The following ABCA13 variants were observed in gnomAD, a reference collection of about 807,000 sequenced individuals.
The protein encoded by ABCA13 is ATP-binding cassette sub-family A member 13.
ABCA13 carries 476 observed loss-of-function variants against 478.7 expected under a neutral mutation model. The observed-to-expected ratio is 0.99, with a 90% CI of 0.92 to 1.07. ABCA13 has a LOEUF of 1.07. Ranked by LOEUF, ABCA13 falls within the 50% of genes least tolerant of loss-of-function variation. ABCA13 has a pLI of 0.00. For missense variants in ABCA13, 6,060 were observed against 5,910.6 expected, an observed-to-expected ratio of 1.03 and a Z score of -0.83; for synonymous variants, 2,252 against 2,158.9, an observed-to-expected ratio of 1.04 and a Z score of -1.20.
At chr7:48,506,930 C>A (rs574352281) in intron 49 of ABCA13, among the ~76,000 whole-genome samples, 1 of 152,000 alleles carries the variant, frequency 6.6e-6, no homozygotes, top group Non-Finnish European at 1.5e-5. Context: ...ATTATATGGT[C>A]GACAAACTTT....
chr7:48,295,946 C>A, intron 21 of ABCA13, 83 bp downstream of exon 21: 1 of 1,470,438 alleles, frequency 6.8e-7, no homozygotes, highest in Non-Finnish European at 9.0e-7. Flanking sequence ...ATGTGAATTT[C>A]AGACAGTGGT....
In ABCA13 at chr7:48,451,498, T is replaced by A. The variant is rs530753520; in HGVS notation, c.12566-3539T>A. On this transcript the variant is annotated intron_variant, in intron 42 of 61. Transcript: ENST00000435803. ...CCCTCAATAATATTAGATGTTAACATTATCTTTAATCTTTACTATATTGAT... is the reference window on the plus strand; with the variant it reads ...CCCTCAATAATATTAGATGTTAACAATATCTTTAATCTTTACTATATTGAT... Among the ~76,000 whole-genome samples the A allele has an allele frequency of 1.3e-4, 20 of 152,322 alleles. No individual in the cohort carries two copies. In the South Asian group the frequency reaches 4.1e-3, roughly 32 times the overall value.
At chr7:48,566,056 A>G (rs1046752896) in intron 55 of ABCA13, among the ~76,000 whole-genome samples, 2 of 152,158 alleles carry the variant, frequency 1.3e-5, no homozygotes, top group African/African-American at 4.8e-5. Flanking sequence ...CTGGAAAGCA[A>G]ATCAAATCAG....
chr7:48,195,614 T>A (rs1035833206), intron 2 of ABCA13, among the ~76,000 whole-genome samples: 2 of 152,152 alleles, frequency 1.3e-5, no homozygotes, highest in Admixed American at 1.3e-4. Context: ...CATCCTGAAT[T>A]TGAGGGACTC....
chr7:48,515,694 T>A (rs1177645094), intron 51 of ABCA13, among the ~76,000 whole-genome samples: 1 of 152,138 alleles, frequency 6.6e-6, no homozygotes, highest in Non-Finnish European at 1.5e-5. Flanking sequence ...TGCTGGGGAC[T>A]AAAGGAAGAT....
chr7:48,226,887 A>G (rs962470606), intron 5 of ABCA13, among the ~76,000 whole-genome samples: 1 of 152,122 alleles, frequency 6.6e-6, no homozygotes, highest in African/African-American at 2.4e-5. Flanking sequence ...TCTTTTCTTT[A>G]TCATTTACAT....
At chr7:48,319,988 T>A (rs1293784376) in intron 27 of ABCA13, among the ~76,000 whole-genome samples, 1 of 152,138 alleles carries the variant, frequency 6.6e-6, no homozygotes, top group Non-Finnish European at 1.5e-5. Flanking sequence ...ATCCATATCC[T>A]TCCACAGAGC....
chr7:48,521,973 A>G (rs1393247833), intron 53 of ABCA13, among the ~76,000 whole-genome samples: 3 of 60 alleles, frequency 0.05, no homozygotes, highest in African/African-American at 0.19. Flanking sequence ...CAAGGTTCTT[A>G]GCAAGCCCCC....
intron 42 of ABCA13, among the ~76,000 whole-genome samples, chr7:48,433,925 T>A (rs995886568): frequency 4.6e-5 from 7 of 152,130 alleles, no homozygotes; most frequent in African/African-American, 1.7e-4. Context: ...TATCTGTTGA[T>A]GGACATTTGT....
At position 48,646,810 on chromosome 7, in the gene ABCA13, T is replaced by C. The variant is rs941549494; in HGVS notation, c.*1298T>C. 2 of 152,168 alleles carry C rather than the reference T, an allele frequency of 1.3e-5. No homozygotes were observed. The highest frequency in any genetic ancestry group is 2.9e-5 in the Non-Finnish European group (2 of 68,042). 9.4% of individuals were successfully genotyped at this position (152,168 alleles called of 1,614,324 possible). On this transcript the variant is annotated 3_prime_UTR_variant, in exon 62 of 62. Coordinates refer to ENST00000435803, the MANE Select transcript of ABCA13 (RefSeq NM_152701.5). ...CTGGGATTACAGGCGTGAGCCACCGTGTCCGGCCGTAGTTTATTTTAAAAT... is the reference window on the plus strand; with the variant it reads ...CTGGGATTACAGGCGTGAGCCACCGCGTCCGGCCGTAGTTTATTTTAAAAT...
intron 58 of ABCA13, among the ~76,000 whole-genome samples, chr7:48,614,891 G>C (rs1585990118): frequency 9.1e-6 from 1 of 109,652 alleles, no homozygotes; most frequent in Admixed American, 1.2e-4. Flanking sequence ...GTTGTGGGGT[G>C]GGGGGAGGGG....
rs1023786853 is a variant in ABCA13, at chr7:48,411,194, C to G, written c.12228+517C>G. 3.9e-4 allele frequency among the ~76,000 whole-genome samples: 45 copies of G among 115,956 alleles called. 2 individuals are homozygous for G. Among genetic ancestry groups the G allele is most frequent in the African/African-American group, 1.4e-3 (44 of 32,222 alleles). 76.1% of individuals were successfully genotyped at this position (115,956 alleles called of 152,430 possible). On this transcript the variant is annotated intron_variant, in intron 40 of 61. Transcript: ENST00000435803. Reference sequence around the variant, plus strand: ...TTCTTTCTTTCTTTCTCTTTCTTTCCTTTTCTTTTCTTTCTCCCCTTCCCT... The same window carrying G: ...TTCTTTCTTTCTTTCTCTTTCTTTCGTTTTCTTTTCTTTCTCCCCTTCCCT...
chr7:48,314,470 T>A, intron 26 of ABCA13, 61 bp downstream of exon 26: 2 of 1,387,324 alleles, frequency 1.4e-6, no homozygotes, highest in South Asian at 2.8e-5. Context: ...ATAATTGGCC[T>A]TAAATTATAG....
intron 41 of ABCA13, among the ~76,000 whole-genome samples, chr7:48,418,438 T>C (rs1194132546): frequency 6.6e-6 from 1 of 152,244 alleles, no homozygotes; most frequent in African/African-American, 2.4e-5. Flanking sequence ...TGATGACATA[T>C]GATGTGGAGC....
chr7:48,529,540 T>C (rs985829455), intron 55 of ABCA13, among the ~76,000 whole-genome samples: 3 of 152,214 alleles, frequency 2.0e-5, no homozygotes, highest in African/African-American at 7.2e-5. Context: ...CAGCTTTCTG[T>C]TCAGTTTCTG....
At chr7:48,217,536 G>A (rs1223037355) in intron 3 of ABCA13, among the ~76,000 whole-genome samples, 1 of 151,884 alleles carries the variant, frequency 6.6e-6, no homozygotes, top group African/African-American at 2.4e-5. Flanking sequence ...GTAATATTTT[G>A]ATCTTATTTT....
chr7:48,201,126 G>A (rs1221382961), intron 3 of ABCA13, among the ~76,000 whole-genome samples: 1 of 152,218 alleles, frequency 6.6e-6, no homozygotes, highest in Non-Finnish European at 1.5e-5. Context: ...GGGGAGGAAG[G>A]GATGAGGAAA....
At chr7:48,467,487 G>T (rs998538538) in intron 44 of ABCA13, among the ~76,000 whole-genome samples, 1 of 152,090 alleles carries the variant, frequency 6.6e-6, no homozygotes, top group Middle Eastern at 3.2e-3. Context: ...AATCTGGGGT[G>T]AATTACTTTG....
At chr7:48,377,318 A>T (rs1813653865) in intron 35 of ABCA13, among the ~76,000 whole-genome samples, 1 of 152,160 alleles carries the variant, frequency 6.6e-6, no homozygotes, top group African/African-American at 2.4e-5. Context: ...CTTTAAAATT[A>T]CTTATTTTAT....
Sources: allele counts gnomAD v4.1 joint callset (sites outside exome capture counted in the v4.1 genomes callset), GRCh38; gene constraint gnomAD v4.1.1; transcripts MANE v1.5; gene names NCBI Gene and HGNC (gene_info 2026-07-23, HGNC 2026-07-21).